The following CFAP299 variants were observed in gnomAD, a reference collection of about 807,000 sequenced individuals.
The protein encoded by CFAP299 is cilia and flagella associated protein 299, also known as cilia- and flagella-associated protein 299.
A neutral mutation model predicts 27.0 loss-of-function variants in CFAP299; 21 were observed. The observed-to-expected ratio is 0.78, with a 90% CI of 0.55 to 1.12. The LOEUF (loss-of-function observed/expected upper bound fraction) is 1.12, where lower values mean the gene tolerates loss of function less well. Among genes scored for constraint, CFAP299 ranks in the 50% most tolerant of loss-of-function variants. CFAP299 has a pLI of 0.00. For synonymous variants in CFAP299, 104 were observed against 98.1 expected, an observed-to-expected ratio of 1.06 and a Z score of -0.36; for missense variants, 310 against 276.6, an observed-to-expected ratio of 1.12 and a Z score of -0.86.
At chr4:80,799,405 T>TAATG (rs1728121926) in intron 3 of CFAP299, among the ~76,000 whole-genome samples, 1 of 83,234 alleles carries the variant, frequency 1.2e-5, no homozygotes, top group Non-Finnish European at 2.0e-5. Flanking sequence ...TTATATATAT[T>TAATG]TATACATATA....
intron 3 of CFAP299, among the ~76,000 whole-genome samples, chr4:80,636,037 A>C (rs1339968713): frequency 6.6e-6 from 1 of 152,226 alleles, no homozygotes; most frequent in Admixed American, 6.5e-5. Flanking sequence ...ATTTCTCCTC[A>C]GTTAATAGAA....
chr4:80,387,391 A>G (rs939856823), intron 2 of CFAP299: 15 of 1,123,208 alleles, frequency 1.3e-5, no homozygotes, highest in Admixed American at 3.4e-5. Flanking sequence ...TGAGCTGGAA[A>G]TAGGTGCTGA....
chr4:80,410,475 G>A (rs916934065), intron 2 of CFAP299, among the ~76,000 whole-genome samples: 1 of 152,142 alleles, frequency 6.6e-6, no homozygotes, highest in African/African-American at 2.4e-5. Context: ...TGTATCCAAG[G>A]ATAGAAGCTA....
intron 4 of CFAP299, among the ~76,000 whole-genome samples, chr4:80,875,471 C>T (rs1296027976): frequency 6.6e-6 from 1 of 151,968 alleles, no homozygotes; most frequent in Non-Finnish European, 1.5e-5. Context: ...ACCACCCTGG[C>T]CAACATGGTG....
chr4:80,741,234 G>A (rs1174426132), intron 3 of CFAP299, among the ~76,000 whole-genome samples: 2 of 152,066 alleles, frequency 1.3e-5, no homozygotes, highest in Non-Finnish European at 2.9e-5. Context: ...AGGGACAAGT[G>A]TTTTGTTTTT....
intron 4 of CFAP299, among the ~76,000 whole-genome samples, chr4:80,929,901 T>G (rs1393636983): frequency 1.3e-5 from 2 of 152,150 alleles, no homozygotes; most frequent in African/African-American, 4.8e-5. Flanking sequence ...GAAATACAAA[T>G]TTGGCCTTCT....
chr4:80,369,660 T>A (rs576390897), intron 2 of CFAP299, among the ~76,000 whole-genome samples: 4 of 152,230 alleles, frequency 2.6e-5, no homozygotes, highest in Admixed American at 6.5e-5. Flanking sequence ...CAAGATCATG[T>A]CTCCTCTTCT....
At chr4:80,805,875 C>CA (rs34732146) in intron 3 of CFAP299, among the ~76,000 whole-genome samples, 8 of 150,996 alleles carry the variant, frequency 5.3e-5, no homozygotes, top group African/African-American at 1.9e-4. Context: ...GACCTTGTCT[C>CA]AAAAAAGTAT....
intron 3 of CFAP299, among the ~76,000 whole-genome samples, chr4:80,722,379 GGCACTCCAGC>G (rs1722875572): frequency 6.7e-6 from 1 of 150,332 alleles, no homozygotes; most frequent in African/African-American, 2.4e-5. Context: ...ATCGTGCCAT[GGCACTCCAGC>G]CTGGGCAACA....
chr4:80,804,587 G>A (rs1364887788), intron 3 of CFAP299, among the ~76,000 whole-genome samples: 1 of 151,676 alleles, frequency 6.6e-6, no homozygotes, highest in Admixed American at 6.6e-5. Context: ...TATAAATATG[G>A]GTATACAAAT....
At chr4:80,903,427 T>C (rs1295507918) in intron 4 of CFAP299, among the ~76,000 whole-genome samples, 1 of 152,070 alleles carries the variant, frequency 6.6e-6, no homozygotes, top group Non-Finnish European at 1.5e-5. Flanking sequence ...AAAATTTTAA[T>C]ATTATTTTTG....
the CFAP299 span, among the ~76,000 whole-genome samples, chr4:80,326,819 G>A: frequency 6.6e-6 from 1 of 152,040 alleles, no homozygotes; most frequent in Non-Finnish European, 1.5e-5. Flanking sequence ...AAACTTCGTT[G>A]TTTATAAGTG....
intron 3 of CFAP299, among the ~76,000 whole-genome samples, chr4:80,638,084 A>G (rs1294730526): frequency 6.6e-6 from 1 of 152,224 alleles, no homozygotes; most frequent in African/African-American, 2.4e-5. Context: ...CCAGCTCATC[A>G]AATCCTTTTT....
intron 3 of CFAP299, among the ~76,000 whole-genome samples, chr4:80,585,011 A>T (rs1267942891): frequency 6.6e-6 from 1 of 152,128 alleles, no homozygotes; most frequent in African/African-American, 2.4e-5. Flanking sequence ...TGGGTAGAGG[A>T]TGATATAATC....
At chr4:80,491,105 A>G (rs1334789934) in intron 2 of CFAP299, among the ~76,000 whole-genome samples, 1 of 152,072 alleles carries the variant, frequency 6.6e-6, no homozygotes. Context: ...TATAGATATC[A>G]TTCAGCTTGA....
At chr4:80,660,497 T>C (rs1346232611) in intron 3 of CFAP299, among the ~76,000 whole-genome samples, 1 of 152,228 alleles carries the variant, frequency 6.6e-6, no homozygotes, top group Non-Finnish European at 1.5e-5. Context: ...TTAAAAATGT[T>C]ACAAGACAAA....
intron 2 of CFAP299, chr4:80,387,155 C>T: frequency 1.5e-6 from 2 of 1,371,828 alleles, no homozygotes; most frequent in Non-Finnish European, 2.1e-6. Context: ...GACGGCACTG[C>T]CCTTCTTGGG....
At chr4:80,729,984 A>G (rs978988298) in intron 3 of CFAP299, among the ~76,000 whole-genome samples, 30 of 152,050 alleles carry the variant, frequency 2.0e-4, no homozygotes, top group African/African-American at 7.0e-4. Flanking sequence ...GCTGGTGGCC[A>G]GAGATAAAAA....
At chr4:80,670,759 A>G (rs929349546) in intron 3 of CFAP299, among the ~76,000 whole-genome samples, 3 of 152,084 alleles carry the variant, frequency 2.0e-5, no homozygotes, top group African/African-American at 2.4e-5. Flanking sequence ...GCATTTTTTC[A>G]TGTGTCTGTT....
Sources: gnomAD v4.1 joint callset for allele counts (sites outside exome capture counted in the v4.1 genomes callset) on GRCh38, gnomAD v4.1.1 for gene constraint, MANE v1.5 for transcripts, NCBI Gene and HGNC (gene_info 2026-07-23, HGNC 2026-07-21) for gene names.